The following FBXW11 variants were observed in gnomAD, a reference collection of about 807,000 sequenced individuals.
FBXW11 encodes F-box/WD repeat-containing protein 11.
Under a neutral mutation model 77.6 loss-of-function variants are expected in FBXW11, and 19 were observed. The ratio of observed to expected loss-of-function variants is 0.24; its 90% CI spans 0.17 to 0.36. The LOEUF (loss-of-function observed/expected upper bound fraction) is 0.36, where lower values mean the gene tolerates loss of function less well. FBXW11 is among the 10% of genes least tolerant of loss of function. The pLI is 1.00. For synonymous variants in FBXW11, 235 were observed against 249.4 expected, an observed-to-expected ratio of 0.94 and a Z score of 0.54; for missense variants, 334 against 704.2, an observed-to-expected ratio of 0.47 and a Z score of 5.95.
chr5:171,967,675 A>G (rs1181041434), intron 1 of FBXW11, among the ~76,000 whole-genome samples: 1 of 151,872 alleles, frequency 6.6e-6, no homozygotes, highest in Non-Finnish European at 1.5e-5. Context: ...CCCCGTCTCT[A>G]CTAAAAATAC....
At chr5:171,952,447 A>ATATATATATATATATATTTTT (rs1200841290) in intron 2 of FBXW11, among the ~76,000 whole-genome samples, 2 of 6,942 alleles carry the variant, frequency 2.9e-4, no homozygotes, top group African/African-American at 3.4e-4. Flanking sequence ...ATATATATAT[A>ATATATATATATATATATTTTT]TTTTTTTTTT....
In FBXW11 at chr5:171,933,987, G is replaced by C. The variant is rs151026466; in HGVS notation, c.148-19582C>G. Reference sequence around the variant, plus strand: ...AAGCCTTTCTTAACTAAGGTTCTGTGAGATCATGAAGCCCTTATGAGAGTA... The same window carrying C: ...AAGCCTTTCTTAACTAAGGTTCTGTCAGATCATGAAGCCCTTATGAGAGTA... On this transcript the variant is annotated intron_variant, in intron 2 of 13. Transcript: ENST00000517395. Among the ~76,000 whole-genome samples the C allele has an allele frequency of 6.1e-3, 924 of 152,320 alleles. 7 individuals are homozygous for C. Among genetic ancestry groups the C allele is most frequent in the Non-Finnish European group, 0.01 (696 of 68,022 alleles).
At chr5:171,952,524 C>G (rs1481273916) in intron 2 of FBXW11, among the ~76,000 whole-genome samples, 3 of 134,766 alleles carry the variant, frequency 2.2e-5, no homozygotes, top group Non-Finnish European at 3.1e-5. Flanking sequence ...ACAATCTCGG[C>G]TCACTGCAGC....
At chr5:171,865,702 T>C (rs1313550847) in intron 13 of FBXW11, among the ~76,000 whole-genome samples, 1 of 152,342 alleles carries the variant, frequency 6.6e-6, no homozygotes, top group Non-Finnish European at 1.5e-5. Context: ...ATAACGATCT[T>C]ATATTGTCTT....
intron 9 of FBXW11, among the ~76,000 whole-genome samples, chr5:171,873,988 C>G (rs1358639293): frequency 6.6e-6 from 1 of 152,110 alleles, no homozygotes; most frequent in Non-Finnish European, 1.5e-5. Flanking sequence ...TACACATAAG[C>G]ACTGAAACTA....
intron 1 of FBXW11, among the ~76,000 whole-genome samples, chr5:171,971,622 A>G (rs1406826774): frequency 9.6e-6 from 1 of 103,780 alleles, no homozygotes; most frequent in Non-Finnish European, 2.3e-5. Flanking sequence ...TTTTGCAGGC[A>G]GTGAGGAGGA....
intron 7 of FBXW11, among the ~76,000 whole-genome samples, chr5:171,886,977 C>T (rs566408331): frequency 7.2e-4 from 110 of 152,252 alleles, no homozygotes; most frequent in Non-Finnish European, 1.3e-3. Flanking sequence ...CGAAATCATG[C>T]CACTGCACTC....
At position 171,997,126 on chromosome 5, in the gene FBXW11, G is replaced by A. The variant is rs188322878; in HGVS notation, c.45+9332C>T. ...AAAGGACAGCCTCCAAGAAATGGAA[G>A]GAAGGGTCAATGGAATGGTGGATCT... On this transcript the variant is annotated intron_variant, in intron 1 of 13. Transcript: ENST00000517395. 1,079 of 1,218,446 alleles carry A rather than the reference G, an allele frequency of 8.9e-4. 10 individuals carry two copies. The African/African-American group carries it at 0.015, about 17-fold the overall frequency. The allele number at this position is 1,218,446 out of a possible 1,614,324, so 75.5% of individuals were successfully genotyped here.
chr5:171,996,492 C>A (rs190307606), intron 1 of FBXW11, among the ~76,000 whole-genome samples: 59 of 152,252 alleles, frequency 3.9e-4, no homozygotes, highest in African/African-American at 1.3e-3. Context: ...CATGGTGAGA[C>A]CCTGTCTCTA....
At chr5:171,969,412 C>T (rs1256962249) in intron 1 of FBXW11, among the ~76,000 whole-genome samples, 1 of 152,146 alleles carries the variant, frequency 6.6e-6, no homozygotes, top group Non-Finnish European at 1.5e-5. Flanking sequence ...AGGTTTGACC[C>T]AATTATAGTC....
intron 13 of FBXW11, 90 bp from the exon 14 acceptor site, chr5:171,864,191 A>T (rs1757242348): frequency 6.6e-6 from 1 of 152,232 alleles, no homozygotes. Context: ...CCCTGCACAC[A>T]GCTACATGCA....
At chr5:171,964,362 G>A (rs1764071494) in intron 1 of FBXW11, among the ~76,000 whole-genome samples, 1 of 152,240 alleles carries the variant, frequency 6.6e-6, no homozygotes, top group Non-Finnish European at 1.5e-5. Flanking sequence ...TTTCCACTGG[G>A]AATCTCTAGC....
In FBXW11 at chr5:171,891,454, T is replaced by C. The variant is rs374124470; in HGVS notation, c.852+13A>G. Reference sequence around the variant, plus strand: ...GATTCTAAAAATAATACATAAAAAATTCAGTCATTCACCTTAATAGAATTA... The same window carrying C: ...GATTCTAAAAATAATACATAAAAAACTCAGTCATTCACCTTAATAGAATTA... On this transcript the variant is annotated intron_variant, in intron 7 of 13. Transcript: ENST00000517395. The C allele has an allele frequency of 3.8e-6, 6 of 1,567,652 alleles. No homozygotes were observed. The East Asian group carries it at 9.2e-5, about 24-fold the overall frequency.
chr5:171,927,121 G>C (rs1476583329), intron 2 of FBXW11, among the ~76,000 whole-genome samples: 1 of 152,100 alleles, frequency 6.6e-6, no homozygotes, highest in Non-Finnish European at 1.5e-5. Context: ...CCTGGGAATA[G>C]GCAAAACTTT....
At position 171,946,437 on chromosome 5, in the gene FBXW11, C is replaced by T. The variant is rs550145759; in HGVS notation, c.147+11160G>A. On this transcript the variant is annotated intron_variant, in intron 2 of 13. Transcript: ENST00000517395. ...CTTCCCATCTCATGCAGAATAAAAG[C>T]CAAAGTCTACGAAACTCTAGAAGCC... is the stretch of plus-strand genomic sequence containing the variant. 2.1e-4 allele frequency among the ~76,000 whole-genome samples: 32 copies of T among 152,296 alleles called. No homozygotes were observed. In the South Asian group the frequency reaches 5.6e-3, roughly 27 times the overall value.
intron 8 of FBXW11, 42 bp downstream of exon 8, chr5:171,877,969 G>T: frequency 7.0e-7 from 1 of 1,436,950 alleles, no homozygotes; most frequent in Non-Finnish European, 9.7e-7. Flanking sequence ...ACTTTCTCAG[G>T]GAAGGCTTAC....
At chr5:171,996,084 T>TA (rs1766028843) in intron 1 of FBXW11, among the ~76,000 whole-genome samples, 1 of 152,164 alleles carries the variant, frequency 6.6e-6, no homozygotes, top group Non-Finnish European at 1.5e-5. Flanking sequence ...ATATGTAAAG[T>TA]GCATACAAGG....
intron 2 of FBXW11, among the ~76,000 whole-genome samples, chr5:171,941,230 T>C (rs1762739257): frequency 6.6e-6 from 1 of 152,256 alleles, no homozygotes; most frequent in South Asian, 2.1e-4. Flanking sequence ...CCTGAGAGGA[T>C]GCAATGAGAA....
intron 2 of FBXW11, among the ~76,000 whole-genome samples, chr5:171,953,856 C>A (rs1763481244): frequency 6.6e-6 from 1 of 152,156 alleles, no homozygotes; most frequent in African/African-American, 2.4e-5. Flanking sequence ...TCTCTTATAT[C>A]AAAAGCTATG....
Sources: gnomAD v4.1 joint callset for allele counts (sites outside exome capture counted in the v4.1 genomes callset) on GRCh38, gnomAD v4.1.1 for gene constraint, MANE v1.5 for transcripts, NCBI Gene and HGNC (gene_info 2026-07-23, HGNC 2026-07-21) for gene names.